DNAJC6: variants seen among roughly 807,000 people sequenced by gnomAD.
DNAJC6 encodes the protein auxilin.
DNAJC6 carries 34 observed loss-of-function variants against 110.0 expected under a neutral mutation model. The ratio of observed to expected loss-of-function variants is 0.31; its 90% CI spans 0.24 to 0.41. The LOEUF is 0.41. Ranked by LOEUF, DNAJC6 falls within the 10% of genes least tolerant of loss-of-function variation. The probability of loss-of-function intolerance (pLI) is 1.00; values close to 1 mark genes in which losing one functional copy is unlikely to be tolerated. For synonymous variants in DNAJC6, 406 were observed against 437.2 expected (o/e 0.93, Z 0.89); for missense variants, 1,031 against 1,207.8 (o/e 0.85, Z 2.17).
intron 1 of DNAJC6, among the ~76,000 whole-genome samples, chr1:65,337,319 A>T (rs1645347294): frequency 6.7e-6 from 1 of 149,334 alleles, no homozygotes; most frequent in African/African-American, 2.5e-5. Flanking sequence ...TGTTTGCTGG[A>T]CTATTTCTAT....
At chr1:65,400,189 A>G (rs977430208) in intron 14 of DNAJC6, among the ~76,000 whole-genome samples, 6 of 152,080 alleles carry the variant, frequency 3.9e-5, no homozygotes, top group Non-Finnish European at 7.4e-5. Context: ...TCAAAAAAAG[A>G]TTTTTCTTTA....
intron 1 of DNAJC6, among the ~76,000 whole-genome samples, chr1:65,347,301 C>A (rs1476810993): frequency 6.6e-6 from 1 of 152,086 alleles, no homozygotes; most frequent in Non-Finnish European, 1.5e-5. Flanking sequence ...TTAATTTCAT[C>A]TTCTTTGGTT....
At chr1:65,274,261 G>A (rs1481189913) in intron 1 of DNAJC6, among the ~76,000 whole-genome samples, 2 of 151,864 alleles carry the variant, frequency 1.3e-5, no homozygotes, top group East Asian at 1.9e-4. Flanking sequence ...AACTTTCTTT[G>A]TGTTAATAGA....
intron 18 of DNAJC6, among the ~76,000 whole-genome samples, chr1:65,412,371 C>T (rs958800280): frequency 5.9e-5 from 9 of 152,160 alleles, no homozygotes; most frequent in Non-Finnish European, 8.8e-5. Flanking sequence ...AAGCTATGAT[C>T]GAAGTGCCAC....
chr1:65,342,688 T>C (rs572200692), intron 1 of DNAJC6, among the ~76,000 whole-genome samples: 5 of 152,214 alleles, frequency 3.3e-5, no homozygotes, highest in Non-Finnish European at 5.9e-5. Flanking sequence ...AGTAAGATAA[T>C]GGACATAAAG....
At chr1:65,308,948 T>A (rs1570256838), upstream of DNAJC6, among the ~76,000 whole-genome samples, 1 of 140,152 alleles carries the variant, frequency 7.1e-6, no homozygotes, top group Non-Finnish European at 1.6e-5. Context: ...ATCCCTATTC[T>A]GGAGAATGTG....
At chr1:65,268,217 G>A (rs1280689748) in intron 1 of DNAJC6, among the ~76,000 whole-genome samples, 1 of 152,162 alleles carries the variant, frequency 6.6e-6, no homozygotes, top group Non-Finnish European at 1.5e-5. Context: ...GTTGACTTGT[G>A]CCTTAAGAAC....
intron 5 of DNAJC6, 29 bp downstream of exon 5, chr1:65,379,553 T>C: frequency 6.2e-7 from 1 of 1,612,686 alleles, no homozygotes; most frequent in Non-Finnish European, 8.5e-7. Flanking sequence ...TTGGTGGTGA[T>C]GGTTTGGTTT....
intron 1 of DNAJC6, among the ~76,000 whole-genome samples, chr1:65,302,117 TATATATAA>T (rs1479410118): frequency 7.2e-6 from 1 of 138,434 alleles, no homozygotes; most frequent in Non-Finnish European, 1.5e-5. Context: ...AATATATATA[TATATATAA>T]AAAATATATA....
At chr1:65,369,108 G>C (rs1274788506) in intron 4 of DNAJC6, among the ~76,000 whole-genome samples, 1 of 152,042 alleles carries the variant, frequency 6.6e-6, no homozygotes, top group African/African-American at 2.4e-5. Context: ...CTAAGGAGAA[G>C]ATTTCCACAT....
At chr1:65,329,129 T>C (rs1318301874) in intron 1 of DNAJC6, among the ~76,000 whole-genome samples, 1 of 152,224 alleles carries the variant, frequency 6.6e-6, no homozygotes, top group Non-Finnish European at 1.5e-5. Context: ...TCTCCTTCCT[T>C]TCCCACCTTG....
In DNAJC6 at chr1:65,380,916, G is replaced by GTTTTTTTTTTTTTTTTTTTTTTTTT. The variant is rs796797174; in HGVS notation, c.666+1396_666+1397insTTTTTTTTTTTTTTTTTTTTTTTTT. 4.1e-4 allele frequency among the ~76,000 whole-genome samples: 38 copies of GTTTTTTTTTTTTTTTTTTTTTTTTT among 93,530 alleles called. 9 individuals are homozygous for GTTTTTTTTTTTTTTTTTTTTTTTTT. The highest frequency in any genetic ancestry group is 2.4e-3 in the African/African-American group (36 of 15,052). The allele number at this position is 93,530 out of a possible 152,430, so 61.4% of individuals were successfully genotyped here. A position where few individuals can be genotyped will look rare whatever the true frequency, so the allele number is the denominator to read the frequency against. On this transcript the variant is annotated intron_variant, in intron 5 of 18. Coordinates refer to ENST00000371069, the MANE Select transcript of DNAJC6 (RefSeq NM_001256864.2). ...TTTTTTTTTTTTTGTTTTTTGTTTT[G>GTTTTTTTTTTTTTTTTTTTTTTTTT]TTTTGTTTTTTTTTTTTTTTTGGGA...
intron 1 of DNAJC6, among the ~76,000 whole-genome samples, chr1:65,357,179 T>C (rs1026391011): frequency 6.6e-6 from 1 of 152,152 alleles, no homozygotes; most frequent in African/African-American, 2.4e-5. Flanking sequence ...AGTTGTCAAT[T>C]TTATAGAAGC....
At chr1:65,384,733 C>T (rs1428101478) in intron 6 of DNAJC6, among the ~76,000 whole-genome samples, 3 of 152,132 alleles carry the variant, frequency 2.0e-5, no homozygotes, top group Non-Finnish European at 2.9e-5. Context: ...TCCCACAACA[C>T]GTTGGGGATT....
In DNAJC6 at chr1:65,309,611, T is replaced by A; in HGVS notation, c.-135T>A. The A allele has an allele frequency of 7.4e-7, 1 of 1,346,690 alleles. No homozygotes were observed. The highest frequency in any genetic ancestry group is 9.5e-7 in the Non-Finnish European group (1 of 1,054,376). 83.4% of individuals were successfully genotyped at this position (1,346,690 alleles called of 1,614,324 possible). The stretch of plus-strand genomic sequence containing the variant: ...AAGCTTCTCTCCGGTGGCCGCTCCT[T>A]CTTTTCCCTCCTCTTTGCGTCATGT... On this transcript the variant is annotated 5_prime_UTR_variant, in exon 1 of 19. Coordinates refer to ENST00000371069, the MANE Select transcript of DNAJC6 (RefSeq NM_001256864.2).
chr1:65,332,572 G>C (rs978837886), intron 1 of DNAJC6, among the ~76,000 whole-genome samples: 2 of 152,198 alleles, frequency 1.3e-5, no homozygotes, highest in African/African-American at 4.8e-5. Flanking sequence ...TTTTGGACAG[G>C]CCTCAATAAT....
intron 1 of DNAJC6, among the ~76,000 whole-genome samples, chr1:65,362,558 G>A (rs1369782672): frequency 6.6e-6 from 1 of 152,126 alleles, no homozygotes; most frequent in Non-Finnish European, 1.5e-5. Context: ...AGATTTATTA[G>A]GTACCATGCC....
At chr1:65,305,473 A>G (rs536563721), upstream of DNAJC6, among the ~76,000 whole-genome samples, 1 of 152,332 alleles carries the variant, frequency 6.6e-6, no homozygotes, top group South Asian at 2.1e-4. Context: ...AACCTATTTC[A>G]TTTTTATGAA....
chr1:65,335,918 TGAA>T (rs1483755673), intron 1 of DNAJC6, among the ~76,000 whole-genome samples: 3 of 152,098 alleles, frequency 2.0e-5, no homozygotes, highest in Admixed American at 2.0e-4. Context: ...GAGACAGCAG[TGAA>T]GAAGATATTG....
Sources: gnomAD v4.1 joint callset for allele counts (sites outside exome capture counted in the v4.1 genomes callset) on GRCh38, gnomAD v4.1.1 for gene constraint, MANE v1.5 for transcripts, NCBI Gene and HGNC (gene_info 2026-07-23, HGNC 2026-07-21) for gene names.